BDH2: variants seen among roughly 807,000 people sequenced by gnomAD.
The protein encoded by BDH2 is 3-hydroxybutyrate dehydrogenase 2.
A neutral mutation model predicts 33.2 loss-of-function variants in BDH2; 24 were observed. The observed-to-expected ratio is 0.72, with a 90% CI of 0.52 to 1.02. BDH2 has a LOEUF of 1.02. BDH2 is among the 50% of genes least tolerant of loss of function. The pLI is 0.00. For missense variants in BDH2, 249 were observed against 301.6 expected, an observed-to-expected ratio of 0.83 and a Z score of 1.29; for synonymous variants, 81 against 101.6, an observed-to-expected ratio of 0.80 and a Z score of 1.22.
In BDH2 at chr4:103,078,788, C is replaced by A. The variant is rs1747366856; in HGVS notation, c.*914G>T. ...TATTATTATTATTTAGGTACAGGGTCTTGCTCTGTCACCCTGGAGTGCAGT... is the reference window on the plus strand; with the variant it reads ...TATTATTATTATTTAGGTACAGGGTATTGCTCTGTCACCCTGGAGTGCAGT... On this transcript the variant is annotated 3_prime_UTR_variant, in exon 10 of 10. Transcript: ENST00000296424. Among the ~76,000 whole-genome samples the A allele has an allele frequency of 6.6e-6, 1 of 151,312 alleles. No individual in the cohort carries two copies. The highest frequency in any genetic ancestry group is 1.5e-5 in the Non-Finnish European group (1 of 68,026).
In BDH2 at chr4:103,097,952, CT is replaced by C. The variant is rs879487582; in HGVS notation, c.-20-1679del. On this transcript the variant is annotated intron_variant, in intron 1 of 9. Coordinates refer to ENST00000296424, the MANE Select transcript of BDH2 (RefSeq NM_020139.4). ...TATTTCAGTTCTCTCTTTAGCCAAA[CT>C]TTTTTTTTTTTATACCCAATATGCT... Among the ~76,000 whole-genome samples the C allele has an allele frequency of 6.7e-3, 987 of 147,104 alleles. 8 individuals are homozygous for C. Among genetic ancestry groups the C allele is most frequent in the African/African-American group, 0.019 (778 of 40,410 alleles).
chr4:103,079,524 C>G lies in BDH2; in HGVS notation c.*178G>C. 1.7e-6 allele frequency: 1 copy of G among 596,350 alleles called. No individual in the cohort carries two copies. Among genetic ancestry groups the G allele is most frequent in the South Asian group, 2.1e-5 (1 of 46,678 alleles). The allele number at this position is 596,350 out of a possible 1,614,324, so 36.9% of individuals were successfully genotyped here. On this transcript the variant is annotated 3_prime_UTR_variant, in exon 10 of 10. Transcript: ENST00000296424. The stretch of plus-strand genomic sequence containing the variant: ...TTTACAATGATTTCAGAAGAGATTA[C>G]AAAGAGATTAATATACTTAAAGAAT...
chr4:103,082,934 A>G lies in BDH2; in HGVS notation c.533-5T>C, dbSNP rs758800596. On this transcript the variant is annotated splice_region_variant and splice_polypyrimidine_tract_variant and intron_variant, in intron 7 of 9. Transcript: ENST00000296424. ...GAGATGGCGTATCAACTGTTCCTAA[A>G]TCAAAGGGGGATATTCAGCTTGGTT... is the stretch of plus-strand genomic sequence containing the variant. The G allele has an allele frequency of 6.2e-7, 1 of 1,611,432 alleles. No individual in the cohort carries two copies. Among genetic ancestry groups the G allele is most frequent in the Non-Finnish European group, 8.5e-7 (1 of 1,177,702 alleles).
Position 103,096,276 on chromosome 4 carries a change from TAA to T in BDH2, c.-20-4_-20-3del. On this transcript the variant is annotated splice_polypyrimidine_tract_variant and splice_region_variant and intron_variant, in intron 1 of 9. Transcript: ENST00000296424. ...CCATAATGGAACCTGTGGTTTAATC[TAA>T]AGACATGTGTGTTTAATGGGTTATA... 1.3e-6 allele frequency: 2 copies of T among 1,598,844 alleles called. No homozygotes were observed. Among genetic ancestry groups the T allele is most frequent in the Non-Finnish European group, 1.7e-6 (2 of 1,166,538 alleles).
intron 3 of BDH2, among the ~76,000 whole-genome samples, chr4:103,094,039 C>T (rs547173032): frequency 6.6e-6 from 1 of 152,212 alleles, no homozygotes; most frequent in Non-Finnish European, 1.5e-5. Context: ...TATAGGTTCT[C>T]TGTTCTGATT....
At chr4:103,085,123 A>G (rs1747714381) in intron 7 of BDH2, among the ~76,000 whole-genome samples, 1 of 152,216 alleles carries the variant, frequency 6.6e-6, no homozygotes, top group South Asian at 2.1e-4. Context: ...AGAAAAGGAA[A>G]GTTCTGCTTT....
At chr4:103,092,772 G>T in intron 3 of BDH2, 76 bp from the exon 4 acceptor site, 1 of 1,032,300 alleles carries the variant, frequency 9.7e-7, no homozygotes, top group Non-Finnish European at 1.5e-6. Context: ...AGTGTGAAGT[G>T]TGAAGATTGC....
intron 9 of BDH2, among the ~76,000 whole-genome samples, chr4:103,081,297 A>T (rs537828123): frequency 6.6e-6 from 1 of 152,314 alleles, no homozygotes; most frequent in African/African-American, 2.4e-5. Context: ...AAGAATTTTT[A>T]AAAATATTTA....
In BDH2 at chr4:103,086,559, T is replaced by C; in HGVS notation, c.358-19A>G. 4.6e-6 allele frequency: 7 copies of C among 1,507,430 alleles called. No individual in the cohort carries two copies. The highest frequency in any genetic ancestry group is 2.6e-5 in the South Asian group (2 of 77,102). 93.4% of individuals were successfully genotyped at this position (1,507,430 alleles called of 1,614,324 possible). On this transcript the variant is annotated intron_variant, in intron 5 of 9. Coordinates refer to ENST00000296424, the MANE Select transcript of BDH2 (RefSeq NM_020139.4). ...CAAGCATCTGCCAAAACAAAACAAATACAAAAAAAAAAAAATCCACTTTGT... is the reference window on the plus strand; with the variant it reads ...CAAGCATCTGCCAAAACAAAACAAACACAAAAAAAAAAAAATCCACTTTGT...
chr4:103,095,397 T>C lies in BDH2; in HGVS notation c.73-116A>G, dbSNP rs902678012. ...CTTATTTTCATTGTTCTTTTCCCTA[T>C]AAGATAGCTAGAATTTTAAACTATC... On this transcript the variant is annotated intron_variant, in intron 2 of 9. Transcript: ENST00000296424. 1.2e-4 allele frequency: 86 copies of C among 721,066 alleles called. No individual in the cohort carries two copies. The African/African-American group carries it at 1.4e-3, about 11-fold the overall frequency. 44.7% of individuals were successfully genotyped at this position (721,066 alleles called of 1,614,324 possible).
intron 1 of BDH2, among the ~76,000 whole-genome samples, chr4:103,096,795 C>T (rs1462418050): frequency 2.6e-5 from 4 of 152,120 alleles, no homozygotes; most frequent in Admixed American, 2.6e-4. Flanking sequence ...CCTGCCTCAG[C>T]CTTCCAAAGT....
chr4:103,089,575 A>G (rs1747972151), intron 5 of BDH2, among the ~76,000 whole-genome samples: 1 of 152,228 alleles, frequency 6.6e-6, no homozygotes, highest in South Asian at 2.1e-4. Context: ...TTTAAAAATT[A>G]ACACAAGTTT....
intron 2 of BDH2, 40 bp from the exon 3 acceptor site, chr4:103,095,321 G>C (rs373465763): frequency 6.8e-7 from 1 of 1,469,508 alleles, no homozygotes; most frequent in Non-Finnish European, 9.5e-7. Context: ...TTGTTTACTT[G>C]AATAAACTGT....
rs775465253 is a variant in BDH2 at position 103,079,723 on chromosome 4, AATG to A, written c.714_716del (p.Ile239del). ...AAAATCACAAGCTCCAGCCTCCATC[AATG>A]ATGACAGGGTTACCAGTTACATAAG... is the stretch of plus-strand genomic sequence containing the variant. On this transcript the variant is annotated inframe_deletion, in exon 10 of 10. Coordinates refer to ENST00000296424, the MANE Select transcript of BDH2 (RefSeq NM_020139.4). 2 of 1,614,084 alleles carry A rather than the reference AATG, an allele frequency of 1.2e-6. No individual in the cohort carries two copies. The highest frequency in any genetic ancestry group is 1.7e-6 in the Non-Finnish European group (2 of 1,179,922).
At chr4:103,090,702 G>C (rs1748041161) in intron 5 of BDH2, among the ~76,000 whole-genome samples, 1 of 152,070 alleles carries the variant, frequency 6.6e-6, no homozygotes, top group African/African-American at 2.4e-5. Flanking sequence ...CCTCTGCCTG[G>C]AATCATCTCC....
chr4:103,098,553 C>T (rs997526243), intron 1 of BDH2: 6 of 152,292 alleles, frequency 3.9e-5, no homozygotes, highest in Admixed American at 3.9e-4. Flanking sequence ...AAGCCAGTGC[C>T]TGAGCATGCA....
intron 3 of BDH2, 78 bp downstream of exon 3, chr4:103,095,125 T>C: frequency 8.7e-7 from 1 of 1,147,340 alleles, no homozygotes; most frequent in Non-Finnish European, 1.3e-6. Context: ...TAGGGAATTT[T>C]CTTTCAACAT....
At chr4:103,088,406 A>G (rs1230584344) in intron 5 of BDH2, among the ~76,000 whole-genome samples, 2 of 152,328 alleles carry the variant, frequency 1.3e-5, no homozygotes, top group East Asian at 3.9e-4. Context: ...AAAGCCACCT[A>G]AGAGACATTA....
chr4:103,089,883 T>C (rs915642810), intron 5 of BDH2, among the ~76,000 whole-genome samples: 1 of 152,222 alleles, frequency 6.6e-6, no homozygotes, highest in Non-Finnish European at 1.5e-5. Flanking sequence ...TTCAACATTC[T>C]GTGGACCCAC....
Sources: allele counts gnomAD v4.1 joint callset (sites outside exome capture counted in the v4.1 genomes callset), GRCh38; gene constraint gnomAD v4.1.1; transcripts MANE v1.5; gene names NCBI Gene and HGNC (gene_info 2026-07-23, HGNC 2026-07-21).